Variants in PPP2R2B observed in about 807,000 individuals in gnomAD.
PPP2R2B encodes serine/threonine-protein phosphatase 2A 55 kDa regulatory subunit B beta isoform.
PPP2R2B carries 5 observed loss-of-function variants against 46.0 expected under a neutral mutation model. The observed-to-expected ratio is 0.11, with a 90% CI of 0.06 to 0.23. PPP2R2B has a LOEUF of 0.23. PPP2R2B is among the 10% of genes least tolerant of loss of function. The pLI, the probability that PPP2R2B is intolerant of heterozygous loss-of-function variation, is 1.00. For synonymous variants in PPP2R2B, 215 were observed against 206.7 expected (o/e 1.04, Z -0.34); for missense variants, 367 against 575.0 (o/e 0.64, Z 3.70).
At chr5:146,723,708 T>C (rs1354144561) in intron 2 of PPP2R2B, among the ~76,000 whole-genome samples, 3 of 152,110 alleles carry the variant, frequency 2.0e-5, no homozygotes, top group Non-Finnish European at 2.9e-5. Context: ...CAAACTCACT[T>C]TTCTAAAACA....
At chr5:146,628,111 A>G (rs1774181225) in intron 7 of PPP2R2B, among the ~76,000 whole-genome samples, 1 of 151,880 alleles carries the variant, frequency 6.6e-6, no homozygotes, top group Admixed American at 6.6e-5. Context: ...TGCCCAGCTA[A>G]TTTTTATATT....
At chr5:146,591,223 T>C (rs148082984) in intron 9 of PPP2R2B, among the ~76,000 whole-genome samples, 64 of 152,296 alleles carry the variant, frequency 4.2e-4, no homozygotes, top group African/African-American at 1.4e-3. Flanking sequence ...CTCTCGTGTA[T>C]TTCTCAAATG....
At chr5:146,684,608 C>T (rs1324233187) in intron 5 of PPP2R2B, among the ~76,000 whole-genome samples, 2 of 152,158 alleles carry the variant, frequency 1.3e-5, no homozygotes, top group African/African-American at 4.8e-5. Flanking sequence ...TCAAAGGATC[C>T]TTGGGAGCAT....
chr5:146,817,090 A>C (rs988120137), intron 2 of PPP2R2B, among the ~76,000 whole-genome samples: 1 of 152,156 alleles, frequency 6.6e-6, no homozygotes, highest in Non-Finnish European at 1.5e-5. Context: ...GTGGCTTTGT[A>C]AAACCTCAGG....
At chr5:146,658,844 G>C (rs2151105000) in intron 5 of PPP2R2B, among the ~76,000 whole-genome samples, 1 of 152,218 alleles carries the variant, frequency 6.6e-6, no homozygotes, top group Admixed American at 6.5e-5. Context: ...ATCATTATGA[G>C]ATGCATTTCT....
rs77168793 is a variant in PPP2R2B at position 146,849,937 on chromosome 5, C to A, written c.70+28065G>T. 8.2e-3 allele frequency among the ~76,000 whole-genome samples: 1,244 copies of A among 152,212 alleles called. 24 individuals carry two copies. The highest frequency in any genetic ancestry group is 0.028 in the African/African-American group (1,169 of 41,508). On this transcript the variant is annotated intron_variant, in intron 2 of 9. Coordinates refer to ENST00000394411, the MANE Select transcript of PPP2R2B (RefSeq NM_181675.4). ...GTGGAGGATCACTCCAATAGCACAGCAGAAAAACCAATCTCACACTTCTAG... is the reference window on the plus strand; with the variant it reads ...GTGGAGGATCACTCCAATAGCACAGAAGAAAAACCAATCTCACACTTCTAG...
chr5:146,787,860 G>A (rs1179577981), intron 2 of PPP2R2B, among the ~76,000 whole-genome samples: 3 of 152,136 alleles, frequency 2.0e-5, no homozygotes, highest in Non-Finnish European at 4.4e-5. Flanking sequence ...GAGCCACCAT[G>A]TCCAGCCTAT....
rs200619210 is a variant in PPP2R2B, at chr5:146,901,806, T to C, written c.79+153859A>G. On this transcript the variant is annotated intron_variant, in intron 1 of 8. Transcript: ENST00000336640. ...CGATTCAAATAATCCAGTTATGTAA[T>C]GGTCGGTGTGATGAGTGGTTGCATT... Among the ~76,000 whole-genome samples the C allele has an allele frequency of 3.9e-4, 59 of 152,182 alleles. 1 individual carries two copies. The East Asian group carries it at 3.9e-3, about 10-fold the overall frequency.
intron 2 of PPP2R2B, among the ~76,000 whole-genome samples, chr5:146,735,880 A>G (rs1561867245): frequency 6.6e-6 from 1 of 152,216 alleles, no homozygotes; most frequent in Admixed American, 6.5e-5. Context: ...TTCATTCAAC[A>G]AGTATTTATT....
intron 7 of PPP2R2B, among the ~76,000 whole-genome samples, chr5:146,633,536 G>T (rs1481174590): frequency 6.6e-6 from 1 of 152,254 alleles, no homozygotes; most frequent in Non-Finnish European, 1.5e-5. Flanking sequence ...ACTGAAGAAG[G>T]TTGGTTCTTT....
intron 2 of PPP2R2B, 109 bp downstream of exon 2, chr5:146,877,893 C>T (rs56070805): frequency 7.8e-4 from 1,041 of 1,331,844 alleles, no homozygotes; most frequent in Non-Finnish European, 9.9e-4. Context: ...CGCCCCAGCC[C>T]TAGGGCCCGG....
intron 2 of PPP2R2B, among the ~76,000 whole-genome samples, chr5:146,833,996 G>T (rs917901466): frequency 6.6e-6 from 1 of 152,020 alleles, no homozygotes; most frequent in Non-Finnish European, 1.5e-5. Flanking sequence ...ACCTAACGTG[G>T]CTCTAAAATG....
At chr5:146,795,781 A>G (rs556788394) in intron 2 of PPP2R2B, among the ~76,000 whole-genome samples, 7 of 152,316 alleles carry the variant, frequency 4.6e-5, no homozygotes, top group Admixed American at 4.6e-4. Flanking sequence ...ACTTAAATAC[A>G]AACTGTTTTG....
intron 5 of PPP2R2B, among the ~76,000 whole-genome samples, chr5:146,665,285 G>A (rs72652840): frequency 0.18 from 26,719 of 152,094 alleles, 2,811 homozygotes; most frequent in East Asian, 0.36. Flanking sequence ...TGTAGCCACC[G>A]CCACCCATGA....
chr5:146,851,953 C>T (rs1232925672), intron 2 of PPP2R2B, among the ~76,000 whole-genome samples: 2 of 151,912 alleles, frequency 1.3e-5, no homozygotes, highest in Non-Finnish European at 2.9e-5. Context: ...TCCTTGAGGT[C>T]TAGGATAGCA....
intron 7 of PPP2R2B, among the ~76,000 whole-genome samples, chr5:146,613,760 A>T (rs1401676834): frequency 7.1e-6 from 1 of 141,152 alleles, no homozygotes; most frequent in Non-Finnish European, 1.5e-5. Flanking sequence ...ATTGCTTCAA[A>T]GAGAATAAAA....
intron 2 of PPP2R2B, among the ~76,000 whole-genome samples, chr5:146,838,986 C>T (rs1006460794): frequency 6.6e-6 from 1 of 152,208 alleles, no homozygotes; most frequent in Non-Finnish European, 1.5e-5. Flanking sequence ...TCTCCCAAGA[C>T]AGTCCCTGCC....
In PPP2R2B at chr5:146,620,741, C is replaced by T. The variant is rs111765994; in HGVS notation, c.790+17510G>A. Reference sequence around the variant, plus strand: ...TGCCTCCTTTCTCACGTCTCTCCCCCTGAGATAGCATGCTCTCCCCTCCCT... The same window carrying T: ...TGCCTCCTTTCTCACGTCTCTCCCCTTGAGATAGCATGCTCTCCCCTCCCT... On this transcript the variant is annotated intron_variant, in intron 7 of 9. Transcript: ENST00000394411. Among the ~76,000 whole-genome samples, 951 of 152,276 alleles carry T rather than the reference C, an allele frequency of 6.2e-3. 13 individuals are homozygous for T. The highest frequency in any genetic ancestry group is 0.021 in the African/African-American group (890 of 41,560).
Position 146,815,723 on chromosome 5 carries a change from T to G in PPP2R2B, c.70+62279A>C, listed in dbSNP as rs570063015. On this transcript the variant is annotated intron_variant, in intron 2 of 9. Transcript: ENST00000394411. ...CTCCATTTTAACCTATCCCCACTTT[T>G]CCACACACACACACTTTAGGAATCT... 4.6e-5 allele frequency among the ~76,000 whole-genome samples: 7 copies of G among 152,304 alleles called. No homozygotes were observed. The South Asian group carries it at 1.5e-3, about 32-fold the overall frequency.
Sources: allele counts gnomAD v4.1 joint callset (sites outside exome capture counted in the v4.1 genomes callset), GRCh38; gene constraint gnomAD v4.1.1; transcripts MANE v1.5; gene names NCBI Gene and HGNC (gene_info 2026-07-23, HGNC 2026-07-21).